NRG3: variants seen among roughly 807,000 people sequenced by gnomAD.
NRG3 encodes the protein pro-neuregulin-3, membrane-bound isoform.
Under a neutral mutation model 66.9 loss-of-function variants are expected in NRG3, and 31 were observed. The ratio of observed to expected loss-of-function variants is 0.46; its 90% CI spans 0.35 to 0.63. The LOEUF (loss-of-function observed/expected upper bound fraction) is 0.63, where lower values mean the gene tolerates loss of function less well. NRG3 is among the 20% of genes least tolerant of loss of function. NRG3 has a pLI of 0.00. For synonymous variants in NRG3, 393 were observed against 359.4 expected (o/e 1.09, Z -1.06); for missense variants, 910 against 878.9 (o/e 1.04, Z -0.45).
intron 1 of NRG3, among the ~76,000 whole-genome samples, chr10:82,095,909 G>T (rs1176965271): frequency 6.6e-6 from 1 of 152,166 alleles, no homozygotes; most frequent in African/African-American, 2.4e-5. Flanking sequence ...TTCAAGAAAT[G>T]TTCAGCCTTC....
At chr10:82,551,190 T>C (rs572705166) in intron 2 of NRG3, among the ~76,000 whole-genome samples, 20 of 152,272 alleles carry the variant, frequency 1.3e-4, no homozygotes, top group African/African-American at 4.6e-4. Context: ...GGAAGTAGCA[T>C]GCAGAGATAA....
At chr10:82,488,216 A>G (rs1365961634) in intron 2 of NRG3, among the ~76,000 whole-genome samples, 2 of 152,176 alleles carry the variant, frequency 1.3e-5, no homozygotes, top group Non-Finnish European at 2.9e-5. Context: ...AGAACTTCCA[A>G]TTCTTAAGCA....
intron 1 of NRG3, among the ~76,000 whole-genome samples, chr10:82,165,634 T>C (rs1408536945): frequency 2.6e-5 from 4 of 151,998 alleles, no homozygotes; most frequent in African/African-American, 9.6e-5. Flanking sequence ...TTATCATAAA[T>C]ATATTACATA....
At chr10:82,861,100 G>A (rs2064102490) in intron 3 of NRG3, among the ~76,000 whole-genome samples, 3 of 151,826 alleles carry the variant, frequency 2.0e-5, no homozygotes, top group Non-Finnish European at 2.9e-5. Flanking sequence ...TAATGATCAC[G>A]GTGTTTAACA....
intron 1 of NRG3, among the ~76,000 whole-genome samples, chr10:82,213,092 A>C (rs2075483229): frequency 1.3e-5 from 2 of 152,190 alleles, no homozygotes; most frequent in African/African-American, 4.8e-5. Flanking sequence ...GAACATAAGC[A>C]TGCAGCTTAT....
intron 2 of NRG3, among the ~76,000 whole-genome samples, chr10:82,501,586 A>G (rs529186327): frequency 2.6e-5 from 4 of 152,018 alleles, no homozygotes; most frequent in African/African-American, 9.7e-5. Flanking sequence ...TTATCTGCCA[A>G]TATACCGGGG....
At chr10:82,923,422 T>A (rs1009911533) in intron 4 of NRG3, among the ~76,000 whole-genome samples, 1 of 152,182 alleles carries the variant, frequency 6.6e-6, no homozygotes, top group African/African-American at 2.4e-5. Flanking sequence ...TTATTATAGG[T>A]TCCCACATTG....
At chr10:82,292,834 G>A (rs1263023993) in intron 1 of NRG3, among the ~76,000 whole-genome samples, 3 of 152,138 alleles carry the variant, frequency 2.0e-5, no homozygotes, top group South Asian at 2.1e-4. Flanking sequence ...CCAGGGTTTA[G>A]GCAAGAGTTC....
intron 2 of NRG3, among the ~76,000 whole-genome samples, chr10:82,393,408 T>A (rs1396264348): frequency 6.6e-6 from 1 of 152,132 alleles, no homozygotes; most frequent in Non-Finnish European, 1.5e-5. Flanking sequence ...CTGTGTACAG[T>A]TAGCATTAGG....
intron 1 of NRG3, among the ~76,000 whole-genome samples, chr10:82,098,611 T>G (rs2066525551): frequency 6.6e-6 from 1 of 152,218 alleles, no homozygotes; most frequent in Non-Finnish European, 1.5e-5. Flanking sequence ...AAGAAACCTG[T>G]ACTGTGCAGA....
intron 4 of NRG3, among the ~76,000 whole-genome samples, chr10:82,921,493 A>C (rs1017770061): frequency 1.3e-5 from 2 of 152,198 alleles, no homozygotes; most frequent in African/African-American, 4.8e-5. Flanking sequence ...TGACGAACGT[A>C]CTGTACTAAT....
At chr10:82,899,554 A>G (rs1408568406) in intron 4 of NRG3, among the ~76,000 whole-genome samples, 1 of 152,184 alleles carries the variant, frequency 6.6e-6, no homozygotes, top group African/African-American at 2.4e-5. Flanking sequence ...CATTTCTTAG[A>G]ATCAGTAGCT....
chr10:82,844,970 C>A (rs748314426), intron 3 of NRG3, among the ~76,000 whole-genome samples: 17 of 152,038 alleles, frequency 1.1e-4, no homozygotes, highest in Non-Finnish European at 2.5e-4. Flanking sequence ...GCCTGGTCAA[C>A]ATGGTGAAAC....
intron 2 of NRG3, among the ~76,000 whole-genome samples, chr10:82,549,026 G>A (rs1809124974): frequency 6.6e-6 from 1 of 152,128 alleles, no homozygotes; most frequent in Non-Finnish European, 1.5e-5. Context: ...TGGAACAGTG[G>A]AACTGGAACT....
chr10:82,344,390 A>C (rs1358036361), intron 1 of NRG3, among the ~76,000 whole-genome samples: 1 of 150,906 alleles, frequency 6.6e-6, no homozygotes, highest in Non-Finnish European at 1.5e-5. Flanking sequence ...AAAGGACATG[A>C]ACTCATCATT....
chr10:82,467,044 A>G (rs186297314), intron 2 of NRG3, among the ~76,000 whole-genome samples: 1 of 152,156 alleles, frequency 6.6e-6, no homozygotes, highest in African/African-American at 2.4e-5. Context: ...CAGAGATTCT[A>G]TCAACTTATT....
intron 1 of NRG3, among the ~76,000 whole-genome samples, chr10:82,066,797 C>G (rs533474072): frequency 6.6e-6 from 1 of 152,236 alleles, no homozygotes; most frequent in Middle Eastern, 3.4e-3. Context: ...AGCTAGTTCA[C>G]CACCCATGGT....
In NRG3 at chr10:82,092,074, G is replaced by A. The variant is rs146261718; in HGVS notation, c.823+215911G>A. 1.5e-3 allele frequency among the ~76,000 whole-genome samples: 233 copies of A among 152,180 alleles called. 3 individuals carry two copies. Among genetic ancestry groups the A allele is most frequent in the Admixed American group, 0.012 (189 of 15,278 alleles). ...TTAACATTTTTTTGGCACTTATTCC[G>A]TGCCAGGCTGTTACTAATGCTATAA... On this transcript the variant is annotated intron_variant, in intron 1 of 8. Transcript: ENST00000372141.
intron 2 of NRG3, among the ~76,000 whole-genome samples, chr10:82,651,774 T>C (rs914884603): frequency 2.6e-5 from 4 of 152,072 alleles, no homozygotes; most frequent in Non-Finnish European, 5.9e-5. Flanking sequence ...GCTGGCCTCA[T>C]AGATATATGA....
Sources: gnomAD v4.1 joint callset for allele counts (sites outside exome capture counted in the v4.1 genomes callset) on GRCh38, gnomAD v4.1.1 for gene constraint, MANE v1.5 for transcripts, NCBI Gene and HGNC (gene_info 2026-07-23, HGNC 2026-07-21) for gene names.